ZNF93: variants seen among roughly 807,000 people sequenced by gnomAD.
The protein encoded by ZNF93 is zinc finger protein 505.
ZNF93 carries 29 observed loss-of-function variants against 45.0 expected under a neutral mutation model. The observed-to-expected ratio is 0.64, with a 90% CI of 0.48 to 0.88. The LOEUF (loss-of-function observed/expected upper bound fraction) is 0.88, where lower values mean the gene tolerates loss of function less well. Among genes scored for constraint, ZNF93 ranks in the 40% least tolerant of loss-of-function variants. ZNF93 has a pLI of 0.00. For missense variants in ZNF93, 578 were observed against 724.0 expected, an observed-to-expected ratio of 0.80 and a Z score of 2.31; for synonymous variants, 223 against 244.6, an observed-to-expected ratio of 0.91 and a Z score of 0.82.
chr19:19,930,284 A>G (rs761880793), intron 3 of ZNF93, among the ~76,000 whole-genome samples: 18 of 152,004 alleles, frequency 1.2e-4, no homozygotes, highest in Non-Finnish European at 2.1e-4. Flanking sequence ...TAATTTTGCT[A>G]CTCTTATCTA....
At chr19:19,902,284 C>T (rs1231507695) in intron 1 of ZNF93, among the ~76,000 whole-genome samples, 2 of 151,374 alleles carry the variant, frequency 1.3e-5, no homozygotes, top group East Asian at 3.9e-4. Flanking sequence ...CAGAGTTTTG[C>T]GTTTTGCTCT....
chr19:19,911,690 ATTG>A (rs1446607171), intron 1 of ZNF93, among the ~76,000 whole-genome samples: 1 of 152,016 alleles, frequency 6.6e-6, no homozygotes, highest in African/African-American at 2.4e-5. Context: ...CTTTCTTTAT[ATTG>A]TTGTGACTTC....
Position 19,933,311 on chromosome 19 carries a change from G to A in ZNF93, c.356G>A (p.Ser119Asn), listed in dbSNP as rs1210300205. ...TTACAGTTAATAAAAAGGTGTGAAA[G>A]TGTAGATGAGTGTAAGGTGCACACA... ...GNLQLIKRCE[S>N]VDECKVHTGG... Residue 119 changes from serine (S) to asparagine (N), a missense_variant, in exon 4 of 4, where the codon AGT (serine) becomes AAT (asparagine). By Grantham distance (46) the Ser-to-Asn change is conservative. Around this residue, in one of 3 missense-constraint regions of ZNF93, gnomAD observed 446 missense variants for 547.6 expected, o/e 0.81. Transcript: ENST00000343769. 2 of 1,612,772 alleles carry A rather than the reference G, an allele frequency of 1.2e-6. No individual in the cohort carries two copies. The highest frequency in any genetic ancestry group is 1.7e-6 in the Non-Finnish European group (2 of 1,179,402).
intron 3 of ZNF93, among the ~76,000 whole-genome samples, chr19:19,928,988 T>A (rs925827036): frequency 2.0e-5 from 3 of 152,162 alleles, no homozygotes; most frequent in African/African-American, 7.2e-5. Flanking sequence ...CATGCTGCAA[T>A]ATAAATCCTC....
chr19:19,921,834 T>A (rs1271704419), intron 3 of ZNF93, among the ~76,000 whole-genome samples: 5 of 152,096 alleles, frequency 3.3e-5, no homozygotes, highest in African/African-American at 7.3e-5. Context: ...AGCCTATGTG[T>A]GTCTCTGCAT....
Position 19,915,539 on chromosome 19 carries a change from A to C in ZNF93, c.130+133A>C, listed in dbSNP as rs1179345903. 1.2e-5 allele frequency: 16 copies of C among 1,287,348 alleles called. No homozygotes were observed. The Admixed American group carries it at 4.4e-4, about 35-fold the overall frequency. The allele number at this position is 1,287,348 out of a possible 1,614,324, so 79.7% of individuals were successfully genotyped here. On this transcript the variant is annotated intron_variant, in intron 2 of 3. Transcript: ENST00000343769. Reference sequence around the variant, plus strand: ...TCCATTTTTTCCAGAAAATCTTCAGAATTTGTTCATTTAGAAAAGAATTTC... The same window carrying C: ...TCCATTTTTTCCAGAAAATCTTCAGCATTTGTTCATTTAGAAAAGAATTTC...
At chr19:19,928,137 G>T (rs1052538000) in intron 3 of ZNF93, among the ~76,000 whole-genome samples, 2 of 152,074 alleles carry the variant, frequency 1.3e-5, no homozygotes, top group Non-Finnish European at 2.9e-5. Context: ...ATATGTTTTT[G>T]TATCATTCAA....
intron 3 of ZNF93, among the ~76,000 whole-genome samples, chr19:19,922,655 C>T (rs1197092746): frequency 6.6e-6 from 1 of 152,114 alleles, no homozygotes; most frequent in East Asian, 1.9e-4. Flanking sequence ...TCTTTTTTCT[C>T]TAAACTTCCC....
At chr19:19,926,171 C>A (rs1472969556) in intron 3 of ZNF93, 1 of 150,724 alleles carries the variant, frequency 6.6e-6, no homozygotes, top group African/African-American at 2.5e-5. Flanking sequence ...CCTCCACCTC[C>A]AGGTTCAAGC....
At chr19:19,914,325 C>T (rs746743336) in intron 1 of ZNF93, among the ~76,000 whole-genome samples, 5 of 152,168 alleles carry the variant, frequency 3.3e-5, no homozygotes, top group African/African-American at 7.2e-5. Context: ...GATACTTGCT[C>T]TCTAGGGTGC....
intron 1 of ZNF93, among the ~76,000 whole-genome samples, chr19:19,909,840 A>G (rs548817479): frequency 6.6e-6 from 1 of 152,378 alleles, no homozygotes; most frequent in South Asian, 2.1e-4. Flanking sequence ...TTGCGCAGCA[A>G]AATGCATGCT....
chr19:19,928,984 G>A (rs926425763), intron 3 of ZNF93, among the ~76,000 whole-genome samples: 11 of 152,070 alleles, frequency 7.2e-5, no homozygotes, highest in African/African-American at 2.7e-4. Flanking sequence ...ATCTCATGCT[G>A]CAATATAAAT....
intron 3 of ZNF93, among the ~76,000 whole-genome samples, chr19:19,927,640 A>C (rs1337043628): frequency 6.6e-6 from 1 of 152,226 alleles, no homozygotes; most frequent in African/African-American, 2.4e-5. Context: ...AAAAGGTGAC[A>C]AGATTATTCT....
chr19:19,917,119 T>C (rs1424791287), intron 3 of ZNF93, among the ~76,000 whole-genome samples: 2 of 152,182 alleles, frequency 1.3e-5, no homozygotes, highest in Non-Finnish European at 2.9e-5. Context: ...TACTACATAG[T>C]TTTTAAGTAT....
chr19:19,933,653 A>G lies in ZNF93; in HGVS notation c.698A>G (p.Lys233Arg), dbSNP rs775695427. 1 of 1,612,356 alleles carries G rather than the reference A, an allele frequency of 6.2e-7. No homozygotes were observed. The highest frequency in any genetic ancestry group is 1.1e-5 in the South Asian group (1 of 90,870). ...GGAGAGAAACCATACAAGTGTGATA[A>G]ATGTGACAAAGCCTTTATTGCATCC... is the stretch of plus-strand genomic sequence containing the variant. ...HTGEKPYKCD[K>R]CDKAFIASST... The change falls in exon 4 of 4, where the codon AAA becomes AGA. Residue 233 changes from lysine to arginine, a missense_variant. This residue lies in a region of ZNF93 where 446 missense variants were observed against 547.6 expected (regional missense o/e 0.81). Coordinates refer to ENST00000343769, the MANE Select transcript of ZNF93 (RefSeq NM_031218.4).
At chr19:19,903,967 G>A (rs1035643373) in intron 1 of ZNF93, among the ~76,000 whole-genome samples, 1 of 151,376 alleles carries the variant, frequency 6.6e-6, no homozygotes, top group Non-Finnish European at 1.5e-5. Context: ...GCTGAGGCAG[G>A]AGAATTGCTT....
intron 3 of ZNF93, among the ~76,000 whole-genome samples, chr19:19,921,934 C>G (rs970111891): frequency 6.6e-6 from 1 of 152,284 alleles, no homozygotes; most frequent in Non-Finnish European, 1.5e-5. Flanking sequence ...GAGCATTTAG[C>G]CCATTGACAT....
At chr19:19,901,258 G>A (rs2063269756) in intron 1 of ZNF93, among the ~76,000 whole-genome samples, 167 bp downstream of exon 1, 2 of 152,150 alleles carry the variant, frequency 1.3e-5, no homozygotes, top group Non-Finnish European at 2.9e-5. Context: ...TGGCGGCTGC[G>A]CTTATAGCGC....
At chr19:19,902,897 C>T (rs2063279079) in intron 1 of ZNF93, among the ~76,000 whole-genome samples, 1 of 151,736 alleles carries the variant, frequency 6.6e-6, no homozygotes, top group Non-Finnish European at 1.5e-5. Flanking sequence ...CCACCACGCC[C>T]GGCTAATTAA....
Sources: allele counts gnomAD v4.1 joint callset (sites outside exome capture counted in the v4.1 genomes callset), GRCh38; gene constraint gnomAD v4.1.1; regional missense constraint gnomAD v4.1.1; transcripts MANE v1.5; gene names NCBI Gene and HGNC (gene_info 2026-07-23, HGNC 2026-07-21).